Variants in CSAD observed in about 807,000 individuals in gnomAD.
CSAD encodes cysteine sulfinic acid decarboxylase, also known as P-selectin cytoplasmic tail-associated protein.
CSAD carries 47 observed loss-of-function variants against 61.5 expected under a neutral mutation model. The ratio of observed to expected loss-of-function variants is 0.76; its 90% CI spans 0.60 to 0.97. The LOEUF is 0.97. Among genes scored for constraint, CSAD ranks in the 50% least tolerant of loss-of-function variants. The probability of loss-of-function intolerance (pLI) is 0.00; values close to 1 mark genes in which losing one functional copy is unlikely to be tolerated. For missense variants in CSAD, 611 were observed against 643.6 expected (o/e 0.95, Z 0.55); for synonymous variants, 245 against 252.7 (o/e 0.97, Z 0.29).
intron 10 of CSAD, among the ~76,000 whole-genome samples, chr12:53,161,867 G>A (rs1212154656): frequency 6.6e-6 from 1 of 152,124 alleles, no homozygotes; most frequent in African/African-American, 2.4e-5. Flanking sequence ...GGCTGAGATG[G>A]GAGGATTGCT....
chr12:53,181,163 C>A, upstream of CSAD: 1 of 984,962 alleles, frequency 1.0e-6, no homozygotes, highest in Non-Finnish European at 1.2e-6. Context: ...CGGAGCGAGG[C>A]GGGCGACACG....
At chr12:53,164,026 T>C (rs2121435259) in intron 10 of CSAD, among the ~76,000 whole-genome samples, 1 of 152,344 alleles carries the variant, frequency 6.6e-6, no homozygotes, top group African/African-American at 2.4e-5. Context: ...TTTCAACAAA[T>C]GGTGTTGGAA....
At chr12:53,170,586 A>G in intron 8 of CSAD, 84 bp from the exon 9 acceptor site, 1 of 1,012,576 alleles carries the variant, frequency 9.9e-7, no homozygotes, top group Non-Finnish European at 1.6e-6. Flanking sequence ...GCTCCAACAA[A>G]TGGGATCCTG....
In CSAD at chr12:53,176,545, C is replaced by T. The variant is rs184338551; in HGVS notation, c.-50+2557G>A. Among the ~76,000 whole-genome samples, 33 of 151,988 alleles carry T rather than the reference C, an allele frequency of 2.2e-4. No homozygotes were observed. In the East Asian group the frequency reaches 5.6e-3, roughly 26 times the overall value. ...CCATCCTGGCTAATATGGTGAAACC[C>T]CATCTCTACTAAAAATACAAAAAAT... On this transcript the variant is annotated intron_variant, in intron 2 of 16. Coordinates refer to ENST00000444623, the MANE Select transcript of CSAD (RefSeq NM_001244705.2).
At position 53,171,130 on chromosome 12, in the gene CSAD, C is replaced by T. The variant is rs964925156; in HGVS notation, c.567+196G>A. 1.8e-5 allele frequency: 14 copies of T among 792,196 alleles called. No homozygotes were observed. The African/African-American group carries it at 2.4e-4, about 13-fold the overall frequency. 49.1% of individuals were successfully genotyped at this position (792,196 alleles called of 1,614,324 possible). ...GTGTCCACTGCACTCACGGCCCCTC[C>T]TCTGCCCCCAAACAGAAGGCAATGT... On this transcript the variant is annotated intron_variant, in intron 8 of 16. Transcript: ENST00000444623.
rs1292401813 is a variant in CSAD, at chr12:53,165,251, G to A, written c.703-3862C>T. On this transcript the variant is annotated intron_variant, in intron 10 of 16. Transcript: ENST00000444623. ...AGCTCCTTGGGAGGCTGAGATGGGA[G>A]AATCATTTGAGCCCAGGAGGTCGAG... Among the ~76,000 whole-genome samples, 4 of 152,074 alleles carry A rather than the reference G, an allele frequency of 2.6e-5. No homozygotes were observed. In the East Asian group the frequency reaches 7.7e-4, roughly 29 times the overall value.
At chr12:53,180,621 C>G in intron 1 of CSAD, 111 bp downstream of exon 1, 1 of 1,283,810 alleles carries the variant, frequency 7.8e-7, no homozygotes, top group South Asian at 1.2e-5. Flanking sequence ...GCTGCCCCCG[C>G]TAGTCTAGCT....
chr12:53,161,327 G>A lies in CSAD; in HGVS notation c.765C>T (p.Pro255=), dbSNP rs1939257569. The part of the protein sequence containing the change: ...SGTTVLGAFD[P]LEAIADVCQR... Reference sequence around the variant, plus strand: ...GGCACACATCAGCAATTGCCTCCAGGGGGTCAAAGGCCCCTAGCACAGTGG... The same window carrying A: ...GGCACACATCAGCAATTGCCTCCAGAGGGTCAAAGGCCCCTAGCACAGTGG... Residue 255 remains proline, a synonymous_variant, in exon 11 of 17, where the codon CCC becomes CCT. Transcript: ENST00000444623. 1 of 1,613,950 alleles carries A rather than the reference G, an allele frequency of 6.2e-7. No homozygotes were observed. The highest frequency in any genetic ancestry group is 1.3e-5 in the African/African-American group (1 of 74,888).
Position 53,180,055 on chromosome 12 carries a change from G to T in CSAD, c.-91+677C>A, listed in dbSNP as rs2121525477. The T allele has an allele frequency of 5.0e-6, 7 of 1,411,608 alleles. No homozygotes were observed. The South Asian group carries it at 9.4e-5, about 19-fold the overall frequency. The allele number at this position is 1,411,608 out of a possible 1,614,324, so 87.4% of individuals were successfully genotyped here. On this transcript the variant is annotated intron_variant, in intron 1 of 16. Transcript: ENST00000444623. ...GGGGAGAAGGTAACCAACCAGGCTG[G>T]CCTCGGGATTCGCAGAGGAGGGCTG...
At chr12:53,170,164 T>C in intron 9 of CSAD, 38 bp from the exon 10 acceptor site, 1 of 1,594,106 alleles carries the variant, frequency 6.3e-7, no homozygotes, top group Non-Finnish European at 8.6e-7. Flanking sequence ...CAGGGACAGG[T>C]TCTCTGTTGA....
intron 10 of CSAD, among the ~76,000 whole-genome samples, chr12:53,165,683 A>G (rs1422492551): frequency 6.7e-6 from 1 of 149,864 alleles, no homozygotes; most frequent in Non-Finnish European, 1.5e-5. Flanking sequence ...AAAAAAAAAG[A>G]AGAAGAAGAA....
chr12:53,161,058 T>C (rs1316968298), intron 12 of CSAD, 69 bp downstream of exon 12: 1 of 1,501,046 alleles, frequency 6.7e-7, no homozygotes, highest in African/African-American at 1.4e-5. Flanking sequence ...TTAAACTCCC[T>C]AGTCCATGAT....
chr12:53,181,326 C>G (rs1462102477), upstream of CSAD: 13 of 985,354 alleles, frequency 1.3e-5, no homozygotes, highest in Admixed American at 8.0e-4. Context: ...TTCCTCCACC[C>G]TAGTCTTGCC....
intron 10 of CSAD, chr12:53,166,112 A>C (rs1939908715): frequency 6.7e-6 from 1 of 150,106 alleles, no homozygotes; most frequent in South Asian, 2.1e-4. Flanking sequence ...CAGGCAGATC[A>C]CAAGGTCAGA....
At position 53,160,182 on chromosome 12, in the gene CSAD, CAT is replaced by C; in HGVS notation, c.1102_1103del (p.Met368ValfsTer34). 6.2e-7 allele frequency: 1 copy of C among 1,614,180 alleles called. No individual in the cohort carries two copies. Among genetic ancestry groups the C allele is most frequent in the Non-Finnish European group, 8.5e-7 (1 of 1,180,048 alleles). On this transcript the variant is annotated frameshift_variant, in exon 14 of 17. Coordinates refer to ENST00000444623, the MANE Select transcript of CSAD (RefSeq NM_001244705.2). LOFTEE classifies it high-confidence loss of function. ...GCCCTTGATCGCCCTGTGCCTTCCACATGAGCCACAGCTTCAGACAGTCCACA... is the reference window on the plus strand; with the variant it reads ...GCCCTTGATCGCCCTGTGCCTTCCACGAGCCACAGCTTCAGACAGTCCACA... ...RRVDCLKLWL[M>X]WKAQGDQGLE...
At chr12:53,168,275 T>G (rs1940156490) in intron 10 of CSAD, among the ~76,000 whole-genome samples, 1 of 152,162 alleles carries the variant, frequency 6.6e-6, no homozygotes, top group Non-Finnish European at 1.5e-5. Context: ...GTGATAAAAA[T>G]GTTCTAATAC....
intron 2 of CSAD, among the ~76,000 whole-genome samples, chr12:53,175,008 T>A (rs1940997692): frequency 6.6e-6 from 1 of 152,166 alleles, no homozygotes; most frequent in Admixed American, 6.5e-5. Flanking sequence ...AGGGAATGGG[T>A]TCAGTTTGTT....
chr12:53,161,026 T>A, intron 12 of CSAD, 101 bp downstream of exon 12: 1 of 1,292,654 alleles, frequency 7.7e-7, no homozygotes, highest in Non-Finnish European at 1.1e-6. Context: ...CCCCCTCCCC[T>A]CAGCCTCCTA....
At position 53,165,989 on chromosome 12, in the gene CSAD, C is replaced by T. The variant is rs183177964; in HGVS notation, c.702+4083G>A. Reference sequence around the variant, plus strand: ...GGAAGAAAATTCTCACATGCTACGACGTGGATGAACCTTGAAGACATTCTG... The same window carrying T: ...GGAAGAAAATTCTCACATGCTACGATGTGGATGAACCTTGAAGACATTCTG... On this transcript the variant is annotated intron_variant, in intron 10 of 16. Transcript: ENST00000444623. 1.2e-4 allele frequency among the ~76,000 whole-genome samples: 18 copies of T among 152,254 alleles called. No homozygotes were observed. In the East Asian group the frequency reaches 2.3e-3, roughly 20 times the overall value.
Sources: allele counts gnomAD v4.1 joint callset (sites outside exome capture counted in the v4.1 genomes callset), GRCh38; gene constraint gnomAD v4.1.1; transcripts MANE v1.5; gene names NCBI Gene and HGNC (gene_info 2026-07-23, HGNC 2026-07-21).